The following KCNG3 variants were observed in gnomAD, a reference collection of about 807,000 sequenced individuals.
KCNG3 encodes the protein voltage-gated potassium channel regulatory subunit KCNG3.
KCNG3 carries 15 observed loss-of-function variants against 29.0 expected under a neutral mutation model. The ratio of observed to expected loss-of-function variants is 0.52; its 90% CI spans 0.35 to 0.80. The LOEUF (loss-of-function observed/expected upper bound fraction) is 0.80. Ranked by LOEUF, KCNG3 falls within the 30% of genes least tolerant of loss-of-function variation. The pLI, the probability that KCNG3 is intolerant of heterozygous loss-of-function variation, is 0.01. For missense variants in KCNG3, 512 were observed against 605.7 expected (o/e 0.85, Z 1.62); for synonymous variants, 322 against 248.9 (o/e 1.29, Z -2.76).
chr2:42,433,853 A>G, the KCNG3 span, among the ~76,000 whole-genome samples: 1 of 152,224 alleles, frequency 6.6e-6, no homozygotes, highest in African/African-American at 2.4e-5. Context: ...CTCTTCTCCT[A>G]CCCTGGGACA....
At chr2:42,402,862 TC>T in the KCNG3 span, among the ~76,000 whole-genome samples, 1 of 152,224 alleles carries the variant, frequency 6.6e-6, no homozygotes, top group South Asian at 2.1e-4. Context: ...GTTTGAATTG[TC>T]ACAGCTGTTC....
Position 42,493,076 on chromosome 2 carries a change from G to C in KCNG3, c.426C>G (p.Pro142=). The C allele has an allele frequency of 1.9e-6, 3 of 1,550,442 alleles. No individual in the cohort carries two copies. The highest frequency in any genetic ancestry group is 1.7e-4 in the Middle Eastern group (1 of 5,830). The part of the protein sequence containing the change: ...PGVLGRDEAR[P]GGAEAAPSRR... ...TGGAGGGAGCCGCCTCGGCCCCGCC[G>C]GGGCGCGCCTCGTCGCGGCCCAGCA... Residue 142 remains proline (P), a synonymous_variant, in exon 1 of 2, where the codon CCC becomes CCG. Coordinates refer to ENST00000306078, the MANE Select transcript of KCNG3 (RefSeq NM_133329.6).
chr2:42,467,796 T>C (rs968111012), intron 1 of KCNG3, among the ~76,000 whole-genome samples: 3 of 150,386 alleles, frequency 2.0e-5, no homozygotes, highest in African/African-American at 7.4e-5. Flanking sequence ...ATGGCGAAAC[T>C]CTTGTCTCTA....
intron 1 of KCNG3, among the ~76,000 whole-genome samples, chr2:42,455,492 A>C (rs1672855799): frequency 6.6e-6 from 1 of 151,360 alleles, no homozygotes; most frequent in African/African-American, 2.5e-5. Context: ...TGGCCCCAAT[A>C]GTTCATGTCT....
the KCNG3 span, among the ~76,000 whole-genome samples, chr2:42,400,006 G>A: frequency 9.2e-5 from 14 of 152,316 alleles, no homozygotes; most frequent in African/African-American, 2.6e-4. Flanking sequence ...CTATTCAGGA[G>A]GCTGAGAAGA....
chr2:42,481,752 T>C (rs1044270490), intron 1 of KCNG3, among the ~76,000 whole-genome samples: 4 of 152,208 alleles, frequency 2.6e-5, no homozygotes, highest in South Asian at 2.1e-4. Flanking sequence ...GCCTCAGGGA[T>C]TGGTTTGTGC....
the KCNG3 span, among the ~76,000 whole-genome samples, chr2:42,399,830 C>T: frequency 4.7e-3 from 723 of 152,220 alleles, 5 homozygotes; most frequent in Admixed American, 0.014. Flanking sequence ...AAGCTTGATA[C>T]GTCTCTCCCT....
chr2:42,424,238 T>C, the KCNG3 span, among the ~76,000 whole-genome samples: 5 of 152,298 alleles, frequency 3.3e-5, no homozygotes, highest in East Asian at 7.7e-4. Context: ...CTCATTTTTG[T>C]CCAAACATTC....
the KCNG3 span, among the ~76,000 whole-genome samples, chr2:42,434,300 T>G: frequency 6.6e-6 from 1 of 151,496 alleles, no homozygotes; most frequent in South Asian, 2.1e-4. Flanking sequence ...AAGAAAATTT[T>G]TTTTAATTAG....
chr2:42,429,433 G>A, the KCNG3 span, among the ~76,000 whole-genome samples: 2 of 152,184 alleles, frequency 1.3e-5, no homozygotes, highest in East Asian at 3.9e-4. Flanking sequence ...TATAACTGTG[G>A]CTAATCCCAA....
chr2:42,394,568 C>T, the KCNG3 span, among the ~76,000 whole-genome samples: 2 of 152,186 alleles, frequency 1.3e-5, no homozygotes, highest in Non-Finnish European at 2.9e-5. Context: ...AAAAGTCAAG[C>T]TGGGAACTGC....
At chr2:42,478,482 A>G (rs913174099) in intron 1 of KCNG3, among the ~76,000 whole-genome samples, 2 of 151,940 alleles carry the variant, frequency 1.3e-5, no homozygotes, top group African/African-American at 4.8e-5. Context: ...CCTCCCACCT[A>G]GGCCTCCCAA....
At chr2:42,419,904 CACT>C in the KCNG3 span, among the ~76,000 whole-genome samples, 1 of 152,170 alleles carries the variant, frequency 6.6e-6, no homozygotes, top group African/African-American at 2.4e-5. Flanking sequence ...GAGATTTCCA[CACT>C]ACTATCTGCA....
intron 1 of KCNG3, among the ~76,000 whole-genome samples, chr2:42,473,625 C>T (rs1673347404): frequency 6.6e-6 from 1 of 152,052 alleles, no homozygotes; most frequent in East Asian, 1.9e-4. Context: ...GCTGGGATTA[C>T]AGGAGTAAGC....
At chr2:42,433,795 AAGAC>A in the KCNG3 span, among the ~76,000 whole-genome samples, 1 of 152,130 alleles carries the variant, frequency 6.6e-6, no homozygotes, top group African/African-American at 2.4e-5. Context: ...CGCAACAAAA[AAGAC>A]AGAGAAAAGG....
At chr2:42,388,509 T>A in the KCNG3 span, 2 of 152,232 alleles carry the variant, frequency 1.3e-5, no homozygotes, top group Admixed American at 1.3e-4. Context: ...CAGGAATGTA[T>A]GTTCTCACAG....
the KCNG3 span, among the ~76,000 whole-genome samples, chr2:42,436,163 T>G: frequency 6.6e-6 from 1 of 152,122 alleles, no homozygotes; most frequent in Admixed American, 6.5e-5. Flanking sequence ...TATGATTCCA[T>G]TTATATGAAA....
intron 1 of KCNG3, among the ~76,000 whole-genome samples, chr2:42,452,243 A>ATATATATATATATATATATTTTTTT: frequency 1.1e-5 from 1 of 95,050 alleles, no homozygotes; most frequent in East Asian, 4.6e-4. Flanking sequence ...ATATATATAT[A>ATATATATATATATATATATTTTTTT]TTTTTTTTTT....
chr2:42,472,876 T>G (rs1236013732), intron 1 of KCNG3, among the ~76,000 whole-genome samples: 2 of 145,350 alleles, frequency 1.4e-5, no homozygotes, highest in Non-Finnish European at 3.0e-5. Context: ...TATATATATA[T>G]AGATCTATCG....
Sources: gnomAD v4.1 joint callset for allele counts (sites outside exome capture counted in the v4.1 genomes callset) on GRCh38, gnomAD v4.1.1 for gene constraint, MANE v1.5 for transcripts, NCBI Gene and HGNC (gene_info 2026-07-23, HGNC 2026-07-21) for gene names.